LCLAT1: variants seen among roughly 807,000 people sequenced by gnomAD.
The protein encoded by LCLAT1 is lysocardiolipin acyltransferase 1.
Under a neutral mutation model 30.7 loss-of-function variants are expected in LCLAT1, and 11 were observed. That is an observed-to-expected ratio of 0.36 (90% CI 0.23 to 0.59). The LOEUF is 0.59. Among genes scored for constraint, LCLAT1 ranks in the 20% least tolerant of loss-of-function variants. The pLI is 0.77. For missense variants in LCLAT1, 402 were observed against 458.6 expected, an observed-to-expected ratio of 0.88 and a Z score of 1.13; for synonymous variants, 155 against 151.3, an observed-to-expected ratio of 1.02 and a Z score of -0.18.
chr2:30,578,538 G>A (rs1213579704), intron 5 of LCLAT1, among the ~76,000 whole-genome samples: 4 of 152,100 alleles, frequency 2.6e-5, no homozygotes, highest in Middle Eastern at 3.2e-3. Flanking sequence ...GACTTACAGT[G>A]GTAATGAGCT....
chr2:30,525,462 T>C lies in LCLAT1; in HGVS notation c.-4-125T>C, dbSNP rs1401209490. The C allele has an allele frequency of 7.3e-5, 53 of 726,100 alleles. 1 individual carries two copies. The highest frequency in any genetic ancestry group is 5.5e-4 in the South Asian group (30 of 54,478). The allele number at this position is 726,100 out of a possible 1,614,324, so 45.0% of individuals were successfully genotyped here. ...CACCTCTTTGAAATTCAGACTCTTA[T>C]ATTGTTTCTTAGAGCCTTTCTGTAG... On this transcript the variant is annotated intron_variant, in intron 1 of 5. Transcript: ENST00000379509.
intron 4 of LCLAT1, among the ~76,000 whole-genome samples, chr2:30,563,320 A>G (rs1235826693): frequency 1.3e-5 from 2 of 152,334 alleles, no homozygotes; most frequent in East Asian, 1.9e-4. Context: ...TTTTTAAACC[A>G]TGGATTATTT....
chr2:30,621,990 C>G (rs138382609), intron 5 of LCLAT1, among the ~76,000 whole-genome samples: 1 of 152,244 alleles, frequency 6.6e-6, no homozygotes, highest in East Asian at 1.9e-4. Flanking sequence ...GAAAGCCCTG[C>G]TTGCTTTCTC....
At chr2:30,480,327 A>G (rs1187129839) in intron 1 of LCLAT1, among the ~76,000 whole-genome samples, 1 of 151,960 alleles carries the variant, frequency 6.6e-6, no homozygotes, top group East Asian at 1.9e-4. Flanking sequence ...AGTAGCTGGG[A>G]CTACAGGTGT....
At chr2:30,525,558 C>G in intron 1 of LCLAT1, 29 bp from the exon 2 acceptor site, 1 of 1,572,836 alleles carries the variant, frequency 6.4e-7, no homozygotes, top group Non-Finnish European at 8.7e-7. Flanking sequence ...TGTATAGTAA[C>G]AAAATATATC....
chr2:30,497,188 C>G (rs1261086549), intron 1 of LCLAT1, among the ~76,000 whole-genome samples: 2 of 152,224 alleles, frequency 1.3e-5, no homozygotes, highest in Non-Finnish European at 2.9e-5. Flanking sequence ...GGAGTAAACA[C>G]AATACAAGGC....
chr2:30,524,452 C>T (rs1036319519), intron 1 of LCLAT1, among the ~76,000 whole-genome samples: 1 of 152,210 alleles, frequency 6.6e-6, no homozygotes, highest in African/African-American at 2.4e-5. Flanking sequence ...TCCTTAACCA[C>T]AGTTTTGCTT....
At chr2:30,507,059 A>C (rs759392320) in intron 1 of LCLAT1, among the ~76,000 whole-genome samples, 27 of 152,228 alleles carry the variant, frequency 1.8e-4, no homozygotes, top group Non-Finnish European at 2.9e-4. Flanking sequence ...GCTAATGATA[A>C]TTGTAATAAT....
intron 1 of LCLAT1, among the ~76,000 whole-genome samples, chr2:30,490,350 G>A (rs569065547): frequency 6.6e-6 from 1 of 152,020 alleles, no homozygotes; most frequent in South Asian, 2.1e-4. Context: ...CTACAGGTGC[G>A]TGTCACCACA....
chr2:30,528,832 CAG>C (rs1485824074), intron 2 of LCLAT1, among the ~76,000 whole-genome samples: 6 of 152,148 alleles, frequency 3.9e-5, no homozygotes, highest in East Asian at 1.9e-4. Flanking sequence ...GCATATCAGA[CAG>C]AGAAAGTTTT....
chr2:30,609,647 G>T (rs963875298), intron 5 of LCLAT1, among the ~76,000 whole-genome samples: 1 of 152,080 alleles, frequency 6.6e-6, no homozygotes, highest in South Asian at 2.1e-4. Flanking sequence ...GTTATACCAG[G>T]ATAGCCTTTT....
intron 1 of LCLAT1, among the ~76,000 whole-genome samples, chr2:30,523,383 C>T (rs1324249181): frequency 1.3e-5 from 2 of 151,856 alleles, no homozygotes; most frequent in African/African-American, 4.8e-5. Flanking sequence ...CACTCTAGGC[C>T]CCATGTGTGA....
chr2:30,491,060 T>C (rs1313582706), intron 1 of LCLAT1, among the ~76,000 whole-genome samples: 1 of 152,224 alleles, frequency 6.6e-6, no homozygotes, highest in Non-Finnish European at 1.5e-5. Context: ...GAATTAAAAT[T>C]ACAGTTGTGG....
At chr2:30,561,315 C>T (rs772296565) in intron 3 of LCLAT1, among the ~76,000 whole-genome samples, 1 of 152,284 alleles carries the variant, frequency 6.6e-6, no homozygotes, top group Non-Finnish European at 1.5e-5. Context: ...ATCCTACCAA[C>T]TTGTCTGGTT....
chr2:30,462,901 A>G (rs1047712897), intron 1 of LCLAT1, among the ~76,000 whole-genome samples: 2 of 152,170 alleles, frequency 1.3e-5, no homozygotes, highest in Non-Finnish European at 2.9e-5. Context: ...AAGTTTTGGT[A>G]AATAGATAGT....
chr2:30,534,547 G>A (rs908400158), intron 3 of LCLAT1, among the ~76,000 whole-genome samples: 4 of 152,288 alleles, frequency 2.6e-5, no homozygotes, highest in African/African-American at 9.6e-5. Flanking sequence ...CAAAGTGCTG[G>A]AACAGGCGTG....
Position 30,565,496 on chromosome 2 carries a change from G to A in LCLAT1, c.512-2564G>A, listed in dbSNP as rs78432717. 7.2e-3 allele frequency among the ~76,000 whole-genome samples: 1,103 copies of A among 152,150 alleles called. 11 individuals carry two copies. Among genetic ancestry groups the A allele is most frequent in the African/African-American group, 0.025 (1,024 of 41,488 alleles). ...ATATTTGATGAGATACCTGAGTATCGTGGCCTATTAAAGTTGACATATAAA... is the reference window on the plus strand; with the variant it reads ...ATATTTGATGAGATACCTGAGTATCATGGCCTATTAAAGTTGACATATAAA... On this transcript the variant is annotated intron_variant, in intron 4 of 5. Transcript: ENST00000379509.
intron 1 of LCLAT1, among the ~76,000 whole-genome samples, chr2:30,462,359 A>G (rs1025704733): frequency 1.3e-5 from 2 of 152,222 alleles, no homozygotes; most frequent in Non-Finnish European, 2.9e-5. Flanking sequence ...AAAATAACAC[A>G]TGCTGACCAA....
At chr2:30,614,799 A>G (rs545465323) in intron 5 of LCLAT1, among the ~76,000 whole-genome samples, 52 of 152,306 alleles carry the variant, frequency 3.4e-4, no homozygotes, top group African/African-American at 1.3e-3. Context: ...GGAGAAGAGT[A>G]AGATCCCAGC....
Sources: allele counts gnomAD v4.1 joint callset (sites outside exome capture counted in the v4.1 genomes callset), GRCh38; gene constraint gnomAD v4.1.1; transcripts MANE v1.5; gene names NCBI Gene and HGNC (gene_info 2026-07-23, HGNC 2026-07-21).